Variants in MAP2K6 observed in about 807,000 individuals in gnomAD.
The protein encoded by MAP2K6 is dual specificity mitogen-activated protein kinase kinase 6.
A neutral mutation model predicts 53.7 loss-of-function variants in MAP2K6; 16 were observed. The ratio of observed to expected loss-of-function variants is 0.30; its 90% CI spans 0.20 to 0.45. The LOEUF is 0.45. Among genes scored for constraint, MAP2K6 ranks in the 20% least tolerant of loss-of-function variants. MAP2K6 has a pLI of 1.00. For synonymous variants in MAP2K6, 132 were observed against 143.1 expected, an observed-to-expected ratio of 0.92 and a Z score of 0.55; for missense variants, 204 against 411.9, an observed-to-expected ratio of 0.50 and a Z score of 4.37.
intron 1 of MAP2K6, among the ~76,000 whole-genome samples, chr17:69,444,738 G>A (rs1219133073): frequency 6.6e-6 from 1 of 152,100 alleles, no homozygotes; most frequent in Admixed American, 6.5e-5. Flanking sequence ...AGCACTTTAA[G>A]CTTCTATAAG....
At chr17:69,472,469 C>T (rs746980543) in intron 1 of MAP2K6, among the ~76,000 whole-genome samples, 2 of 152,056 alleles carry the variant, frequency 1.3e-5, no homozygotes, top group Non-Finnish European at 2.9e-5. Context: ...CCCGTGTCTG[C>T]AAGGGTAACC....
chr17:69,519,142 A>T (rs557035042), intron 4 of MAP2K6, among the ~76,000 whole-genome samples, 171 bp from the exon 5 acceptor site: 3 of 152,362 alleles, frequency 2.0e-5, no homozygotes, highest in African/African-American at 7.2e-5. Flanking sequence ...AATGAGTAAC[A>T]GCCTTCCTTA....
At chr17:69,503,293 G>C (rs1289175471) in intron 1 of MAP2K6, among the ~76,000 whole-genome samples, 1 of 152,184 alleles carries the variant, frequency 6.6e-6, no homozygotes. Context: ...TGGCTGAGGT[G>C]CATGGATGGG....
intron 1 of MAP2K6, among the ~76,000 whole-genome samples, chr17:69,437,246 C>G (rs747227951): frequency 3.9e-5 from 6 of 152,128 alleles, no homozygotes; most frequent in Non-Finnish European, 8.8e-5. Flanking sequence ...GTATTATATA[C>G]TATGTTATTA....
chr17:69,421,620 C>G (rs529425725), intron 1 of MAP2K6, among the ~76,000 whole-genome samples: 16 of 151,458 alleles, frequency 1.1e-4, no homozygotes, highest in Non-Finnish European at 2.2e-4. Flanking sequence ...CTTACTGCAA[C>G]CTCCGCCTCC....
intron 1 of MAP2K6, among the ~76,000 whole-genome samples, chr17:69,442,001 G>T (rs1358722258): frequency 6.6e-6 from 1 of 152,076 alleles, no homozygotes; most frequent in Non-Finnish European, 1.5e-5. Context: ...GGGTGGTTTT[G>T]CTACCACTGA....
intron 1 of MAP2K6, among the ~76,000 whole-genome samples, chr17:69,469,312 G>A (rs1907911953): frequency 6.6e-6 from 1 of 152,220 alleles, no homozygotes; most frequent in African/African-American, 2.4e-5. Flanking sequence ...AAATATCCAA[G>A]TAATCCTGAT....
At chr17:69,447,908 G>A (rs1253356727) in intron 1 of MAP2K6, among the ~76,000 whole-genome samples, 2 of 152,168 alleles carry the variant, frequency 1.3e-5, no homozygotes, top group Non-Finnish European at 2.9e-5. Flanking sequence ...GTCCAGGGGA[G>A]TGCAGAACTG....
rs1912085395 is a variant in MAP2K6 at position 69,551,200 on chromosome 17, C to T, written c.*9447C>T. 6.6e-6 allele frequency: 1 copy of T among 152,146 alleles called. No homozygotes were observed. Among genetic ancestry groups the T allele is most frequent in the African/African-American group, 2.4e-5 (1 of 41,436 alleles). 9.4% of individuals were successfully genotyped at this position (152,146 alleles called of 1,614,324 possible). ...AGAGGCAGGAGTTACCGTTTTTGTT[C>T]ATTGACCTATCAGAAAAAAGCAAAT... On this transcript the variant is annotated 3_prime_UTR_variant, in exon 12 of 12. Transcript: ENST00000590474.
rs1911825211 is a variant in MAP2K6, at chr17:69,545,098, T to TCC, written c.*3345_*3346insCC. ...GAGTTTTAGCATCATTGACTCTTTG[T>TCC]AAAACGCCATGTCATGGGCTCTGAA... On this transcript the variant is annotated 3_prime_UTR_variant, in exon 12 of 12. Coordinates refer to ENST00000590474, the MANE Select transcript of MAP2K6 (RefSeq NM_002758.4). 6.6e-6 allele frequency: 1 copy of TCC among 152,232 alleles called. No individual in the cohort carries two copies. The highest frequency in any genetic ancestry group is 6.5e-5 in the Admixed American group (1 of 15,280). 9.4% of individuals were successfully genotyped at this position (152,232 alleles called of 1,614,324 possible).
chr17:69,421,829 C>T (rs1179618981), intron 1 of MAP2K6, among the ~76,000 whole-genome samples: 2 of 152,084 alleles, frequency 1.3e-5, no homozygotes, highest in Non-Finnish European at 2.9e-5. Context: ...AGGTGTGAGC[C>T]ACCACGCCCG....
intron 11 of MAP2K6, among the ~76,000 whole-genome samples, chr17:69,537,896 T>C (rs778462589): frequency 2.0e-5 from 3 of 152,236 alleles, no homozygotes; most frequent in African/African-American, 7.2e-5. Flanking sequence ...GCTTTTTTGG[T>C]TCTGTTTACT....
At chr17:69,501,380 CT>C (rs1311527342) in intron 1 of MAP2K6, among the ~76,000 whole-genome samples, 3 of 152,176 alleles carry the variant, frequency 2.0e-5, no homozygotes, top group Non-Finnish European at 4.4e-5. Flanking sequence ...CAGAGGAGTG[CT>C]TTGTGCTTAC....
In MAP2K6 at chr17:69,458,704, A is replaced by C. The variant is rs190059653; in HGVS notation, c.16+43704A>C. 5.3e-5 allele frequency among the ~76,000 whole-genome samples: 8 copies of C among 152,310 alleles called. No homozygotes were observed. In the East Asian group the frequency reaches 1.5e-3, roughly 29 times the overall value. ...TTATTGAAATACTCTTACCTTGTGC[A>C]GTGTCTCCACGTTTCAGGAAAGAAA... On this transcript the variant is annotated intron_variant, in intron 1 of 11. Coordinates refer to ENST00000590474, the MANE Select transcript of MAP2K6 (RefSeq NM_002758.4).
intron 2 of MAP2K6, among the ~76,000 whole-genome samples, chr17:69,507,264 T>A (rs1909550726): frequency 6.6e-6 from 1 of 152,180 alleles, no homozygotes; most frequent in African/African-American, 2.4e-5. Flanking sequence ...TAATACATTA[T>A]CAAGATCAAG....
chr17:69,500,766 G>GA (rs1179539038), intron 1 of MAP2K6, among the ~76,000 whole-genome samples: 46 of 127,016 alleles, frequency 3.6e-4, no homozygotes, highest in Admixed American at 5.6e-4. Context: ...AAAAAAAAAA[G>GA]AAAAAAAAAA....
At chr17:69,459,270 T>C (rs1470831697) in intron 1 of MAP2K6, among the ~76,000 whole-genome samples, 1 of 152,228 alleles carries the variant, frequency 6.6e-6, no homozygotes, top group Non-Finnish European at 1.5e-5. Flanking sequence ...GTTAATATTA[T>C]GTAGTTGATT....
chr17:69,449,531 G>GTCTTTCTTTCTTTTTCTTTCTT (rs1555602226), intron 1 of MAP2K6, among the ~76,000 whole-genome samples: 2 of 103,386 alleles, frequency 1.9e-5, no homozygotes, highest in African/African-American at 4.7e-5. Context: ...TTCTTTCTTT[G>GTCTTTCTTTCTTTTTCTTTCTT]TCTTTCTTTC....
intron 1 of MAP2K6, among the ~76,000 whole-genome samples, chr17:69,441,942 A>G (rs1025985136): frequency 6.6e-6 from 1 of 151,986 alleles, no homozygotes; most frequent in South Asian, 2.1e-4. Flanking sequence ...GGAGGGAGAA[A>G]GGCACTTGGT....
Sources: allele counts gnomAD v4.1 joint callset (sites outside exome capture counted in the v4.1 genomes callset), GRCh38; gene constraint gnomAD v4.1.1; transcripts MANE v1.5; gene names NCBI Gene and HGNC (gene_info 2026-07-23, HGNC 2026-07-21).